The following PRKCB variants were observed in gnomAD, a reference collection of about 807,000 sequenced individuals.
PRKCB encodes the protein protein kinase C beta type.
A neutral mutation model predicts 81.5 loss-of-function variants in PRKCB; 13 were observed. The ratio of observed to expected loss-of-function variants is 0.16; its 90% confidence interval spans 0.10 to 0.25. The LOEUF (loss-of-function observed/expected upper bound fraction) is 0.25, where lower values mean the gene tolerates loss of function less well. PRKCB is among the 10% of genes least tolerant of loss of function. PRKCB has a pLI of 1.00. For missense variants in PRKCB, 509 were observed against 875.7 expected, an observed-to-expected ratio of 0.58 and a Z score of 5.29; for synonymous variants, 335 against 321.4, an observed-to-expected ratio of 1.04 and a Z score of -0.45.
At chr16:24,154,421 C>A (rs75577703) in intron 9 of PRKCB, among the ~76,000 whole-genome samples, 1 of 152,120 alleles carries the variant, frequency 6.6e-6, no homozygotes, top group African/African-American at 2.4e-5. Flanking sequence ...ATTTCGAGTC[C>A]GCAGTGAGCT....
At chr16:23,874,172 G>A (rs1277459734) in intron 2 of PRKCB, among the ~76,000 whole-genome samples, 6 of 152,186 alleles carry the variant, frequency 3.9e-5, no homozygotes, top group East Asian at 1.9e-4. Flanking sequence ...CTGTCTTTCC[G>A]TGTCAGAAGA....
chr16:24,205,263 T>G (rs1276033243), intron 16 of PRKCB, among the ~76,000 whole-genome samples: 4 of 150,828 alleles, frequency 2.7e-5, no homozygotes, highest in African/African-American at 9.7e-5. Flanking sequence ...GGATTCCCCG[T>G]GCCTCAGCCT....
intron 2 of PRKCB, among the ~76,000 whole-genome samples, chr16:23,934,027 A>ATCCATCCT (rs1964022878): frequency 2.7e-5 from 1 of 36,424 alleles, no homozygotes; most frequent in Non-Finnish European, 8.1e-5. Context: ...CCACTCATCC[A>ATCCATCCT]TCCATCCATC....
chr16:24,154,880 G>T (rs1344351891), intron 10 of PRKCB, 23 bp downstream of exon 10: 5 of 1,607,740 alleles, frequency 3.1e-6, no homozygotes, highest in Non-Finnish European at 4.2e-6. Context: ...ATGGCCCTGG[G>T]TATTCCACCT....
chr16:24,180,786 A>G lies in PRKCB; in HGVS notation c.1395-4A>G, dbSNP rs115420860. ...AAATCTCTAAATTCTTGTGTCTGCC[A>G]TAGTGACCTAAAACTTGACAACGTG... is the stretch of plus-strand genomic sequence containing the variant. On this transcript the variant is annotated splice_region_variant and splice_polypyrimidine_tract_variant and intron_variant, in intron 12 of 16. Coordinates refer to ENST00000643927, the MANE Select transcript of PRKCB (RefSeq NM_002738.7). 8.6e-4 allele frequency: 1,385 copies of G among 1,613,698 alleles called. 15 individuals are homozygous for G. In the African/African-American group the frequency reaches 0.017, roughly 20 times the overall value.
intron 2 of PRKCB, among the ~76,000 whole-genome samples, chr16:23,970,614 C>A (rs1415317772): frequency 6.6e-6 from 1 of 152,122 alleles, no homozygotes; most frequent in Admixed American, 6.5e-5. Context: ...AATTCAAATC[C>A]CTCTTCTTCT....
chr16:23,952,274 G>T (rs895759050), intron 2 of PRKCB, among the ~76,000 whole-genome samples: 1 of 152,200 alleles, frequency 6.6e-6, no homozygotes, highest in Non-Finnish European at 1.5e-5. Context: ...CATTCCAAGA[G>T]AGCCTCCGCC....
chr16:24,111,565 T>C (rs992274928), intron 7 of PRKCB, among the ~76,000 whole-genome samples: 3 of 151,674 alleles, frequency 2.0e-5, no homozygotes, highest in South Asian at 2.1e-4. Flanking sequence ...GGCAGGAGGA[T>C]TGCTTGAGCC....
intron 9 of PRKCB, among the ~76,000 whole-genome samples, chr16:24,128,173 G>A (rs1352769157): frequency 2.0e-5 from 3 of 152,180 alleles, no homozygotes; most frequent in East Asian, 1.9e-4. Flanking sequence ...TCAGGAGTTC[G>A]AGGCCAGCCT....
At chr16:23,913,598 A>G (rs1384322569) in intron 2 of PRKCB, among the ~76,000 whole-genome samples, 3 of 152,224 alleles carry the variant, frequency 2.0e-5, no homozygotes, top group Non-Finnish European at 2.9e-5. Flanking sequence ...AATGGTTAAC[A>G]TCAGACTAGC....
intron 2 of PRKCB, among the ~76,000 whole-genome samples, chr16:23,927,901 C>T (rs1453016510): frequency 6.6e-6 from 1 of 151,872 alleles, no homozygotes; most frequent in African/African-American, 2.4e-5. Flanking sequence ...GTGTGGATAT[C>T]TTGGGGCTTA....
intron 2 of PRKCB, among the ~76,000 whole-genome samples, chr16:23,926,559 A>G (rs2141751694): frequency 6.6e-6 from 1 of 151,612 alleles, no homozygotes; most frequent in South Asian, 2.1e-4. Context: ...GTAGTATTCT[A>G]TTGTGTGTAT....
intron 2 of PRKCB, among the ~76,000 whole-genome samples, chr16:23,923,815 A>G (rs11645314): frequency 0.034 from 5,152 of 152,192 alleles, 166 homozygotes; most frequent in African/African-American, 0.069. Context: ...ACACGGGTGA[A>G]CATGTAAGGG....
At chr16:24,158,630 GTGTGTA>G (rs996719189) in intron 10 of PRKCB, among the ~76,000 whole-genome samples, 1 of 151,816 alleles carries the variant, frequency 6.6e-6, no homozygotes, top group African/African-American at 2.4e-5. Flanking sequence ...ATGTGTATGT[GTGTGTA>G]TGTGTATGTG....
At chr16:23,998,276 C>T (rs1287043296) in intron 3 of PRKCB, among the ~76,000 whole-genome samples, 1 of 152,202 alleles carries the variant, frequency 6.6e-6, no homozygotes, top group Admixed American at 6.5e-5. Flanking sequence ...CTAAACTATA[C>T]CCCTGGCTTT....
chr16:24,054,964 G>A (rs758903582), intron 5 of PRKCB, among the ~76,000 whole-genome samples: 1 of 152,216 alleles, frequency 6.6e-6, no homozygotes, highest in Admixed American at 6.5e-5. Context: ...GTGTAGGCTT[G>A]CTTTGTGGAT....
At chr16:24,120,989 T>G (rs1438511700) in intron 8 of PRKCB, among the ~76,000 whole-genome samples, 1 of 152,186 alleles carries the variant, frequency 6.6e-6, no homozygotes, top group African/African-American at 2.4e-5. Flanking sequence ...AGTGACCTGT[T>G]AAATATGTAT....
rs116741343 is a variant in PRKCB, at chr16:24,084,975, G to A, written c.530-7816G>A. 8.0e-3 allele frequency among the ~76,000 whole-genome samples: 1,217 copies of A among 152,226 alleles called. 12 individuals carry two copies. Among genetic ancestry groups the A allele is most frequent in the African/African-American group, 0.027 (1,119 of 41,508 alleles). ...GAGCAAATTTCACTCATGGTTGAGG[G>A]TATGCACACAGGATGTTGAAGAGAC... is the stretch of plus-strand genomic sequence containing the variant. On this transcript the variant is annotated intron_variant, in intron 5 of 16. Coordinates refer to ENST00000643927, the MANE Select transcript of PRKCB (RefSeq NM_002738.7).
chr16:24,089,681 G>A (rs1427299596), intron 5 of PRKCB, among the ~76,000 whole-genome samples: 2 of 152,050 alleles, frequency 1.3e-5, no homozygotes, highest in Non-Finnish European at 2.9e-5. Flanking sequence ...AGGCTGAGTT[G>A]GGAGGATCAC....
Sources: gnomAD v4.1 joint callset for allele counts (sites outside exome capture counted in the v4.1 genomes callset) on GRCh38, gnomAD v4.1.1 for gene constraint, MANE v1.5 for transcripts, NCBI Gene and HGNC (gene_info 2026-07-23, HGNC 2026-07-21) for gene names.